Variants in AEBP2 observed in about 807,000 individuals in gnomAD.
AEBP2 encodes the protein AE binding protein 2.
AEBP2 carries 10 observed loss-of-function variants against 50.8 expected under a neutral mutation model. That is an observed-to-expected ratio of 0.20 (90% CI 0.12 to 0.33). The LOEUF (loss-of-function observed/expected upper bound fraction) is 0.33. Among genes scored for constraint, AEBP2 ranks in the 10% least tolerant of loss-of-function variants. AEBP2 has a pLI of 1.00. For missense variants in AEBP2, 570 were observed against 688.0 expected, an observed-to-expected ratio of 0.83 and a Z score of 1.92; for synonymous variants, 296 against 261.3, an observed-to-expected ratio of 1.13 and a Z score of -1.28.
In AEBP2 at chr12:19,471,364, G is replaced by T. The variant is rs560044529; in HGVS notation, c.880-1884G>T. Among the ~76,000 whole-genome samples the T allele has an allele frequency of 1.8e-4, 28 of 151,976 alleles. No individual in the cohort carries two copies. In the South Asian group the frequency reaches 5.6e-3, roughly 30 times the overall value. ...ATTCCTGGGCTCAAGCAATCCTCCT[G>T]CCTTGGCCTTCCAAAGTGCTGGGGT... On this transcript the variant is annotated intron_variant, in intron 2 of 7. Coordinates refer to ENST00000266508, the MANE Select transcript of AEBP2 (RefSeq NM_153207.5).
chr12:19,466,197 C>T (rs1948469462), intron 2 of AEBP2, among the ~76,000 whole-genome samples: 2 of 152,078 alleles, frequency 1.3e-5, no homozygotes, highest in African/African-American at 4.8e-5. Flanking sequence ...ACATTTTCGG[C>T]TGGTCACAGT....
At chr12:19,416,387 T>C (rs977143486) in intron 1 of AEBP2, among the ~76,000 whole-genome samples, 4 of 151,640 alleles carry the variant, frequency 2.6e-5, no homozygotes, top group Admixed American at 1.3e-4. Context: ...GAGATACAAA[T>C]GGTCTTAGCT....
intron 3 of AEBP2, among the ~76,000 whole-genome samples, chr12:19,487,413 A>G (rs930369185): frequency 1.3e-5 from 2 of 152,116 alleles, no homozygotes; most frequent in Non-Finnish European, 2.9e-5. Flanking sequence ...GAAAGTACGT[A>G]TGCTTTTGAA....
intron 7 of AEBP2, among the ~76,000 whole-genome samples, chr12:19,517,550 TG>T (rs1362802069): frequency 8.5e-5 from 13 of 152,256 alleles, no homozygotes; most frequent in African/African-American, 3.1e-4. Flanking sequence ...GAAGGATGTA[TG>T]TAGGTTATTT....
intron 1 of AEBP2, among the ~76,000 whole-genome samples, chr12:19,421,888 G>A (rs7972046): frequency 1.3e-5 from 2 of 151,880 alleles, no homozygotes; most frequent in African/African-American, 4.8e-5. Flanking sequence ...GGTGGCTCTC[G>A]CCTGTAATCC....
intron 1 of AEBP2, among the ~76,000 whole-genome samples, chr12:19,450,292 A>C (rs1442272683): frequency 6.6e-6 from 1 of 151,950 alleles, no homozygotes; most frequent in Non-Finnish European, 1.5e-5. Flanking sequence ...CAGTGGCCTA[A>C]GTTCTAAATT....
rs989557976 is a variant in AEBP2, at chr12:19,457,331, T to A, written c.672-5179T>A. 23 of 1,488,950 alleles carry A rather than the reference T, an allele frequency of 1.5e-5. No individual in the cohort carries two copies. In the African/African-American group the frequency reaches 2.8e-4, roughly 18 times the overall value. The allele number at this position is 1,488,950 out of a possible 1,614,324, so 92.2% of individuals were successfully genotyped here. A position where few individuals can be genotyped will look rare whatever the true frequency, so the allele number is the denominator to read the frequency against. On this transcript the variant is annotated intron_variant, in intron 1 of 7. Transcript: ENST00000266508. ...TCAGCCTGAGATGTCCCTGTAATCA[T>A]GTTTTTGATGAAGTCTCTGTGGTTA...
chr12:19,456,527 T>A lies in AEBP2; in HGVS notation c.672-5983T>A, dbSNP rs1948272570. 2.0e-6 allele frequency: 3 copies of A among 1,524,990 alleles called. No individual in the cohort carries two copies. In the Admixed American group the frequency reaches 5.0e-5, roughly 26 times the overall value. The allele number at this position is 1,524,990 out of a possible 1,614,324, so 94.5% of individuals were successfully genotyped here. On this transcript the variant is annotated intron_variant, in intron 1 of 7. Coordinates refer to ENST00000266508, the MANE Select transcript of AEBP2 (RefSeq NM_153207.5). ...TTTCCTTCAGCTCAGCAAACTTGCA[T>A]GCAGTGTGAGCCGTGTGGCAATCCA...
intron 5 of AEBP2, among the ~76,000 whole-genome samples, chr12:19,510,387 A>G (rs1949216091): frequency 6.6e-6 from 1 of 152,170 alleles, no homozygotes. Flanking sequence ...AAAGGTGATA[A>G]TGCATGTGTC....
At chr12:19,443,183 G>C (rs771559912) in intron 1 of AEBP2, among the ~76,000 whole-genome samples, 3 of 150,822 alleles carry the variant, frequency 2.0e-5, no homozygotes, top group African/African-American at 7.3e-5. Context: ...TGCAACCTCT[G>C]CCTTGTGGGT....
In AEBP2 at chr12:19,439,641, G is replaced by A. The variant is rs919926842; in HGVS notation, c.-59G>A. 1.3e-6 allele frequency: 2 copies of A among 1,495,054 alleles called. No individual in the cohort carries two copies. The highest frequency in any genetic ancestry group is 1.8e-6 in the Non-Finnish European group (2 of 1,126,798). 92.6% of individuals were successfully genotyped at this position (1,495,054 alleles called of 1,614,324 possible). ...GTTTGGGAGGGGGGCGAGGGAGAGA[G>A]AGTCGAGAGAGGGAGGCGGCGGTGG... On this transcript the variant is annotated 5_prime_UTR_variant, in exon 1 of 8. Transcript: ENST00000266508.
At chr12:19,431,569 C>T (rs2095751455) in intron 1 of AEBP2, among the ~76,000 whole-genome samples, 1 of 152,208 alleles carries the variant, frequency 6.6e-6, no homozygotes, top group South Asian at 2.1e-4. Context: ...ACTAATACTA[C>T]ACCTACATAT....
At chr12:19,440,455 G>C in intron 1 of AEBP2, 85 bp downstream of exon 1, 1 of 1,416,688 alleles carries the variant, frequency 7.1e-7, no homozygotes, top group Non-Finnish European at 9.2e-7. Flanking sequence ...ACGTTTTGCC[G>C]CGATCCCCCT....
chr12:19,448,088 A>G (rs1489867728), intron 1 of AEBP2, among the ~76,000 whole-genome samples: 2 of 152,124 alleles, frequency 1.3e-5, no homozygotes, highest in Non-Finnish European at 2.9e-5. Flanking sequence ...ATTTTTGAAA[A>G]TGGAGACTAG....
At chr12:19,494,635 C>T (rs1446489676) in intron 4 of AEBP2, among the ~76,000 whole-genome samples, 1 of 151,804 alleles carries the variant, frequency 6.6e-6, no homozygotes, top group Non-Finnish European at 1.5e-5. Flanking sequence ...CTGTCTCGGC[C>T]TCCCAAAATG....
intron 2 of AEBP2, among the ~76,000 whole-genome samples, chr12:19,470,317 T>G (rs1431405813): frequency 6.6e-6 from 1 of 152,020 alleles, no homozygotes; most frequent in African/African-American, 2.4e-5. Flanking sequence ...GCCACCACAC[T>G]CGGCTAATTT....
At chr12:19,411,462 G>A (rs1245034309) in intron 1 of AEBP2, among the ~76,000 whole-genome samples, 1 of 152,140 alleles carries the variant, frequency 6.6e-6, no homozygotes, top group African/African-American at 2.4e-5. Context: ...TCTGTCTTTG[G>A]TTCTTAGCTC....
At chr12:19,516,177 GAGA>G (rs1188742516) in intron 7 of AEBP2, among the ~76,000 whole-genome samples, 20 of 152,278 alleles carry the variant, frequency 1.3e-4, no homozygotes, top group African/African-American at 4.3e-4. Flanking sequence ...GATCATCAAG[GAGA>G]AGAAGATTGA....
intron 1 of AEBP2, among the ~76,000 whole-genome samples, chr12:19,458,941 A>G (rs1332810711): frequency 6.6e-6 from 1 of 152,134 alleles, no homozygotes; most frequent in East Asian, 1.9e-4. Context: ...TCCCCAACTT[A>G]GGTATGCAAA....
Sources: allele counts gnomAD v4.1 joint callset (sites outside exome capture counted in the v4.1 genomes callset), GRCh38; gene constraint gnomAD v4.1.1; transcripts MANE v1.5; gene names NCBI Gene and HGNC (gene_info 2026-07-23, HGNC 2026-07-21).